Variants in HGF observed in about 807,000 individuals in gnomAD.
The protein encoded by HGF is hepatocyte growth factor.
In HGF, 39 loss-of-function variants were observed where a neutral mutation model predicts 111.6. The observed-to-expected ratio is 0.35, with a 90% CI of 0.27 to 0.46. The LOEUF is 0.46. Ranked by LOEUF, HGF falls within the 20% of genes least tolerant of loss-of-function variation. The probability of loss-of-function intolerance (pLI) is 1.00; values close to 1 mark genes in which losing one functional copy is unlikely to be tolerated. For missense variants in HGF, 735 were observed against 910.5 expected (o/e 0.81, Z 2.48); for synonymous variants, 285 against 294.8 (o/e 0.97, Z 0.34).
In HGF at chr7:81,743,418, G is replaced by C. The variant is rs771889279; in HGVS notation, c.800C>G (p.Pro267Arg). 1 of 1,613,662 alleles carries C rather than the reference G, an allele frequency of 6.2e-7. No individual in the cohort carries two copies. The highest frequency in any genetic ancestry group is 1.6e-4 in the Middle Eastern group (1 of 6,062). Residue 267 changes from proline to arginine, a missense_variant, in exon 7 of 18, where the codon CCG (proline) becomes CGG (arginine). Coordinates refer to ENST00000222390, the MANE Select transcript of HGF (RefSeq NM_000601.6). ...GTCAAGAGTATAGCACCATGGCCTCGGCTGGCCATCGGGATTGCGGCAATA... is the reference window on the plus strand; with the variant it reads ...GTCAAGAGTATAGCACCATGGCCTCCGCTGGCCATCGGGATTGCGGCAATA... Reference protein sequence around the residue: ...DNYCRNPDGQPRPWCYTLDPH... With the variant: ...DNYCRNPDGQRRPWCYTLDPH...
intron 10 of HGF, among the ~76,000 whole-genome samples, chr7:81,718,169 T>C (rs572695905): frequency 6.4e-4 from 97 of 152,176 alleles, no homozygotes; most frequent in Non-Finnish European, 1.2e-3. Context: ...AATTAATGTG[T>C]CATTTTAAAT....
At chr7:81,709,723 GAAATTAAAAAC>G (rs1473384706) in intron 13 of HGF, among the ~76,000 whole-genome samples, 11 of 151,946 alleles carry the variant, frequency 7.2e-5, no homozygotes, top group Admixed American at 7.2e-4. Flanking sequence ...GAAAAAGTCA[GAAATTAAAAAC>G]AAATATAAAT....
At chr7:81,750,826 T>TC (rs397803326) in intron 5 of HGF, 82 of 394,032 alleles carry the variant, frequency 2.1e-4, no homozygotes, top group African/African-American at 1.3e-3. Context: ...GGGTTTTTTT[T>TC]CTTCCATGTG....
chr7:81,751,979 G>C (rs1788526861), intron 5 of HGF, 141 bp downstream of exon 5: 59 of 1,453,982 alleles, frequency 4.1e-5, no homozygotes, highest in Non-Finnish European at 5.3e-5. Flanking sequence ...GTATAAAAAT[G>C]TTTAAATAAT....
intron 7 of HGF, among the ~76,000 whole-genome samples, chr7:81,736,526 A>T (rs1350267024): frequency 2.6e-5 from 4 of 152,116 alleles, no homozygotes; most frequent in Non-Finnish European, 4.4e-5. Flanking sequence ...ATTAAACTTT[A>T]TCATAAGAAT....
At chr7:81,763,995 G>C (rs1477022704) in intron 1 of HGF, among the ~76,000 whole-genome samples, 2 of 152,134 alleles carry the variant, frequency 1.3e-5, no homozygotes, top group Non-Finnish European at 2.9e-5. Flanking sequence ...GATTGTAGTG[G>C]AAATATGGCA....
Position 81,700,031 on chromosome 7 carries a change from G to T in HGF, c.*2550C>A, listed in dbSNP as rs1244579796. 6.6e-6 allele frequency: 1 copy of T among 151,686 alleles called. No homozygotes were observed. The highest frequency in any genetic ancestry group is 1.5e-5 in the Non-Finnish European group (1 of 67,736). 9.4% of individuals were successfully genotyped at this position (151,686 alleles called of 1,614,324 possible). On this transcript the variant is annotated 3_prime_UTR_variant, in exon 18 of 18. Coordinates refer to ENST00000222390, the MANE Select transcript of HGF (RefSeq NM_000601.6). ...ATTTTAGTTTTACACTTCAATTCCT[G>T]GTAGACGTGAGAAAATGTCTACAAT... is the stretch of plus-strand genomic sequence containing the variant.
At chr7:81,728,390 C>G (rs1232531238) in intron 8 of HGF, among the ~76,000 whole-genome samples, 1 of 152,112 alleles carries the variant, frequency 6.6e-6, no homozygotes, top group African/African-American at 2.4e-5. Context: ...GGTATCTTTA[C>G]GTACACAATT....
At chr7:81,737,017 C>T (rs1448015542) in intron 7 of HGF, among the ~76,000 whole-genome samples, 2 of 150,976 alleles carry the variant, frequency 1.3e-5, no homozygotes, top group African/African-American at 4.9e-5. Flanking sequence ...ATTCTGAAGG[C>T]CATTCATGTT....
intron 2 of HGF, among the ~76,000 whole-genome samples, chr7:81,759,345 A>G (rs1788946139): frequency 6.6e-6 from 1 of 152,216 alleles, no homozygotes; most frequent in Admixed American, 6.5e-5. Context: ...GGATTCTCCT[A>G]AAAAGTGGGA....
At chr7:81,718,776 T>C (rs559384723) in intron 10 of HGF, among the ~76,000 whole-genome samples, 15 of 152,134 alleles carry the variant, frequency 9.9e-5, no homozygotes, top group Admixed American at 2.0e-4. Context: ...ACTTCTACCA[T>C]GAAAATTTCA....
chr7:81,703,182 T>C (rs922088576), intron 17 of HGF, among the ~76,000 whole-genome samples: 1 of 151,626 alleles, frequency 6.6e-6, no homozygotes, highest in African/African-American at 2.4e-5. Flanking sequence ...AGAAAATAAC[T>C]TGTAATCATA....
At chr7:81,756,752 C>T (rs1788789021) in intron 4 of HGF, 1 of 187,668 alleles carries the variant, frequency 5.3e-6, no homozygotes. Context: ...TAAGATTCGT[C>T]AAGGGCTTGC....
rs2116178990 is a variant in HGF, at chr7:81,757,215, C to G, written c.456G>C (p.Trp152Cys). Residue 152 changes from tryptophan (W) to cysteine (C), a missense_variant, in exon 4 of 18, where the codon TGG becomes TGC. By Grantham distance (215) the Trp-to-Cys change is radical. Transcript: ENST00000222390. Reference protein sequence around the residue: ...ITKSGIKCQPWSSMIPHEHSF... With the variant: ...ITKSGIKCQPCSSMIPHEHSF... Reference sequence around the variant, plus strand: ...TGTGTTCGTGTGGTATCATGGAACTCCAGGGCTGACATTTGATGCCACTCT... The same window carrying G: ...TGTGTTCGTGTGGTATCATGGAACTGCAGGGCTGACATTTGATGCCACTCT... 1.3e-6 allele frequency: 2 copies of G among 1,597,332 alleles called. No individual in the cohort carries two copies. The highest frequency in any genetic ancestry group is 1.7e-6 in the Non-Finnish European group (2 of 1,164,660).
Position 81,706,395 on chromosome 7 carries a change from A to T in HGF, c.1649T>A (p.Ile550Asn), listed in dbSNP as rs192078086. The T allele has an allele frequency of 4.5e-5, 72 of 1,612,564 alleles. No individual in the cohort carries two copies. Among genetic ancestry groups the T allele is most frequent in the Non-Finnish European group, 5.9e-5 (69 of 1,178,814 alleles). ...ATCTCCTCTTCCGTGGACATCATGA[A>T]TTCCAAGCCAAGCTTCATAATCTTT... ...DLKDYEAWLG[I>N]HDVHGRGDEK... Residue 550 changes from isoleucine to asparagine, a missense_variant, in exon 15 of 18, where the codon ATT becomes AAT. Ile to Asn is a moderately radical substitution (Grantham distance 149). Transcript: ENST00000222390.
intron 7 of HGF, among the ~76,000 whole-genome samples, chr7:81,732,535 A>G (rs118143162): frequency 0.014 from 2,077 of 152,296 alleles, 27 homozygotes; most frequent in Non-Finnish European, 0.018. Flanking sequence ...TCCAAAAATA[A>G]CATTTTAAAG....
At chr7:81,708,020 T>G (rs898649436) in intron 13 of HGF, among the ~76,000 whole-genome samples, 11 of 152,262 alleles carry the variant, frequency 7.2e-5, no homozygotes, top group Admixed American at 5.9e-4. Flanking sequence ...ACTAGTACAT[T>G]TTTTTGATGA....
Position 81,770,002 on chromosome 7 carries a change from T to C in HGF, c.-31A>G. 1.3e-6 allele frequency: 2 copies of C among 1,483,932 alleles called. No individual in the cohort carries two copies. The highest frequency in any genetic ancestry group is 2.5e-5 in the East Asian group (1 of 40,644). The allele number at this position is 1,483,932 out of a possible 1,614,324, so 91.9% of individuals were successfully genotyped here. On this transcript the variant is annotated 5_prime_UTR_variant, in exon 1 of 18. Coordinates refer to ENST00000222390, the MANE Select transcript of HGF (RefSeq NM_000601.6). ...TGCTGGACGGGCTGGCGGATCCCTC[T>C]GGAGGAGATGCCTGGGTGAAAGAAT...
chr7:81,738,695 T>C (rs777344480), intron 7 of HGF, among the ~76,000 whole-genome samples: 3 of 152,158 alleles, frequency 2.0e-5, no homozygotes, highest in South Asian at 2.1e-4. Context: ...TATTCAAACG[T>C]TGGCTGGCAG....
Sources: gnomAD v4.1 joint callset for allele counts (sites outside exome capture counted in the v4.1 genomes callset) on GRCh38, gnomAD v4.1.1 for gene constraint, MANE v1.5 for transcripts, NCBI Gene and HGNC (gene_info 2026-07-23, HGNC 2026-07-21) for gene names.